OPA1: variants seen among roughly 807,000 people sequenced by gnomAD.
OPA1 encodes dynamin-like GTPase OPA1, mitochondrial.
In OPA1, 59 loss-of-function variants were observed where a neutral mutation model predicts 152.9. That is an observed-to-expected ratio of 0.39 (90% confidence interval 0.31 to 0.48). OPA1 has a LOEUF of 0.48. OPA1 is among the 20% of genes least tolerant of loss of function. The pLI, the probability that OPA1 is intolerant of heterozygous loss-of-function variation, is 0.96. For missense variants in OPA1, 1,008 were observed against 1,216.8 expected (o/e 0.83, Z 2.55); for synonymous variants, 400 against 389.9 (o/e 1.03, Z -0.31).
At chr3:193,691,938 G>A (rs1721741150) in intron 29 of OPA1, 125 bp from the exon 30 acceptor site, 4 of 634,080 alleles carry the variant, frequency 6.3e-6, no homozygotes, top group Non-Finnish European at 1.1e-5. Flanking sequence ...AAGGTGGTAT[G>A]GTGAGACTCA....
At chr3:193,647,268 C>G (rs558228545) in intron 19 of OPA1, 88 bp downstream of exon 19, 4 of 805,840 alleles carry the variant, frequency 5.0e-6, no homozygotes, top group South Asian at 1.5e-5. Context: ...GTACTTCTTT[C>G]CTTTAACAGT....
chr3:193,601,519 C>T (rs1577118769), intron 1 of OPA1, among the ~76,000 whole-genome samples: 1 of 152,136 alleles, frequency 6.6e-6, no homozygotes, highest in Non-Finnish European at 1.5e-5. Context: ...CAGGTTTGTT[C>T]GACCATGAAT....
chr3:193,640,622 G>A (rs1186351636), intron 11 of OPA1, among the ~76,000 whole-genome samples: 8 of 152,216 alleles, frequency 5.3e-5, no homozygotes, highest in African/African-American at 7.2e-5. Flanking sequence ...TTAACAGATC[G>A]TGGTGACTCT....
chr3:193,659,030 C>A lies in OPA1; in HGVS notation c.2440+35C>A. On this transcript the variant is annotated intron_variant, in intron 24 of 30. Coordinates refer to ENST00000361510, the MANE Select transcript of OPA1 (RefSeq NM_130837.3). ...GACACGGCTTATTGAGTTCTGAGTT[C>A]ACAGTGGTGAAGGAGTCATCCAACT... The A allele has an allele frequency of 2.1e-6, 3 of 1,414,514 alleles. No homozygotes were observed. In the South Asian group the frequency reaches 3.4e-5, roughly 16 times the overall value. 87.6% of individuals were successfully genotyped at this position (1,414,514 alleles called of 1,614,324 possible).
intron 21 of OPA1, among the ~76,000 whole-genome samples, chr3:193,653,981 C>A (rs1180026260): frequency 6.7e-6 from 1 of 150,290 alleles, no homozygotes; most frequent in Non-Finnish European, 1.5e-5. Flanking sequence ...GCAAACATTT[C>A]AAAAAAAAAT....
chr3:193,636,183 G>A (rs546167323), intron 9 of OPA1, among the ~76,000 whole-genome samples: 1 of 151,780 alleles, frequency 6.6e-6, no homozygotes, highest in Admixed American at 6.6e-5. Context: ...CTGTAGTCAA[G>A]GTCCAAAGAT....
chr3:193,657,175 T>C lies in OPA1; in HGVS notation c.2274T>C (p.Ala758=), dbSNP rs9851685. ...ACATATTTGATAAACTTAAAGAGGC[T>C]GTTAAGGAAGAAAGTATTAAACGAC... ...HDDIFDKLKE[A]VKEESIKRHK... Residue 758 remains alanine, a synonymous_variant, in exon 23 of 31, where the codon GCT becomes GCC. Coordinates refer to ENST00000361510, the MANE Select transcript of OPA1 (RefSeq NM_130837.3). 759,374 of 1,612,978 alleles carry C rather than the reference T, an allele frequency of 0.47. 180,530 individuals are homozygous for C. Among genetic ancestry groups the C allele is most frequent in the African/African-American group, 0.57 (42,648 of 74,882 alleles).
intron 29 of OPA1, among the ~76,000 whole-genome samples, chr3:193,683,568 A>G (rs1720490560): frequency 6.6e-6 from 1 of 152,168 alleles, no homozygotes; most frequent in South Asian, 2.1e-4. Flanking sequence ...AGAATCAATC[A>G]GTGCAGCAAA....
chr3:193,637,750 A>G (rs973281989), intron 10 of OPA1, among the ~76,000 whole-genome samples: 1 of 152,228 alleles, frequency 6.6e-6, no homozygotes, highest in Non-Finnish European at 1.5e-5. Context: ...GGCTATAAAC[A>G]GTGGATCCAG....
At chr3:193,660,628 C>T (rs192306389) in intron 25 of OPA1, among the ~76,000 whole-genome samples, 1 of 151,998 alleles carries the variant, frequency 6.6e-6, no homozygotes, top group Admixed American at 6.6e-5. Context: ...CATAAGTTCT[C>T]TATCAGATGT....
chr3:193,636,753 G>A (rs412918), intron 9 of OPA1, among the ~76,000 whole-genome samples: 2 of 152,078 alleles, frequency 1.3e-5, no homozygotes, highest in Admixed American at 6.6e-5. Context: ...CCTTTATTCA[G>A]ATGCTTGCTT....
chr3:193,638,526 T>A (rs1439856273), intron 11 of OPA1, among the ~76,000 whole-genome samples: 1 of 152,176 alleles, frequency 6.6e-6, no homozygotes, highest in African/African-American at 2.4e-5. Context: ...GTAAACACAC[T>A]CTCTGAAGCT....
At chr3:193,691,219 C>T (rs1420741169) in intron 29 of OPA1, among the ~76,000 whole-genome samples, 3 of 152,150 alleles carry the variant, frequency 2.0e-5, no homozygotes, top group Non-Finnish European at 2.9e-5. Context: ...GGACCCCCAT[C>T]TCAGAATATA....
In OPA1 at chr3:193,695,703, CA is replaced by C. The variant is rs1210797726; in HGVS notation, c.*1104del. The C allele has an allele frequency of 6.6e-6, 1 of 152,164 alleles. No individual in the cohort carries two copies. The highest frequency in any genetic ancestry group is 1.5e-5 in the Non-Finnish European group (1 of 68,036). The allele number at this position is 152,164 out of a possible 1,614,324, so 9.4% of individuals were successfully genotyped here. A position where few individuals can be genotyped will look rare whatever the true frequency, so the allele number is the denominator to read the frequency against. ...CTTTCTTTACTTAAAATGTCTATCT[CA>C]TTTGCTGCCTTTTCACTAAGCCTTT... On this transcript the variant is annotated 3_prime_UTR_variant, in exon 31 of 31. Coordinates refer to ENST00000361510, the MANE Select transcript of OPA1 (RefSeq NM_130837.3).
At chr3:193,688,478 T>C (rs1425239560) in intron 29 of OPA1, among the ~76,000 whole-genome samples, 3 of 66,738 alleles carry the variant, frequency 4.5e-5, no homozygotes, top group East Asian at 7.9e-4. Context: ...TTTTTTTTTT[T>C]TTTTTTTTTT....
chr3:193,643,559 A>G lies in OPA1; in HGVS notation c.1409A>G (p.Lys470Arg). The change falls in exon 15 of 31, where the codon AAG (lysine) becomes AGG (arginine). Residue 470 changes from lysine (K) to arginine (R), a missense_variant. Around this residue, in one of 7 missense-constraint regions of OPA1, gnomAD observed 213 missense variants for 291.4 expected, o/e 0.73. Transcript: ENST00000361510. Reference protein sequence around the residue: ...TVTSGMAPDTKETIFSISKAY... With the variant: ...TVTSGMAPDTRETIFSISKAY... ...ACATCAGGCATGGCTCCTGACACAA[A>G]GGAAACTATTTTCAGTATCAGCAAA... 1 of 1,613,974 alleles carries G rather than the reference A, an allele frequency of 6.2e-7. No homozygotes were observed. The highest frequency in any genetic ancestry group is 8.5e-7 in the Non-Finnish European group (1 of 1,179,926).
intron 11 of OPA1, among the ~76,000 whole-genome samples, chr3:193,640,956 C>T (rs538683785): frequency 5.3e-4 from 81 of 152,144 alleles, no homozygotes; most frequent in African/African-American, 1.9e-3. Context: ...TGGATTGAAT[C>T]GTGTTATGTG....
At chr3:193,602,487 A>G (rs139193343) in intron 1 of OPA1, among the ~76,000 whole-genome samples, 21 of 152,320 alleles carry the variant, frequency 1.4e-4, no homozygotes, top group African/African-American at 5.1e-4. Flanking sequence ...TGCAGTATTT[A>G]GTCATATCAG....
chr3:193,629,679 AATT>A (rs1208382582), intron 7 of OPA1, among the ~76,000 whole-genome samples: 4 of 152,098 alleles, frequency 2.6e-5, no homozygotes, highest in African/African-American at 9.7e-5. Context: ...AGAAAAAAGA[AATT>A]ATATTTGTAA....
Sources: gnomAD v4.1 joint callset for allele counts (sites outside exome capture counted in the v4.1 genomes callset) on GRCh38, gnomAD v4.1.1 for gene constraint, gnomAD v4.1.1 regional missense constraint, MANE v1.5 for transcripts, NCBI Gene and HGNC (gene_info 2026-07-23, HGNC 2026-07-21) for gene names.